SPATA7: variants seen among roughly 807,000 people sequenced by gnomAD.
SPATA7 encodes spermatogenesis associated 7.
In SPATA7, 43 loss-of-function variants were observed where a neutral mutation model predicts 51.8. The ratio of observed to expected loss-of-function variants is 0.83; its 90% confidence interval spans 0.65 to 1.07. The LOEUF (loss-of-function observed/expected upper bound fraction) is 1.07, where lower values mean the gene tolerates loss of function less well. Ranked by LOEUF, SPATA7 falls within the 50% of genes least tolerant of loss-of-function variation. The pLI is 0.00. For synonymous variants in SPATA7, 230 were observed against 252.8 expected (o/e 0.91, Z 0.86); for missense variants, 683 against 701.3 (o/e 0.97, Z 0.30).
intron 5 of SPATA7, 52 bp downstream of exon 5, chr14:88,416,896 T>G: frequency 6.8e-7 from 1 of 1,474,262 alleles, no homozygotes; most frequent in African/African-American, 1.4e-5. Flanking sequence ...GGTACTTCTT[T>G]AGTGGTACAA....
intron 8 of SPATA7, among the ~76,000 whole-genome samples, chr14:88,430,603 A>G (rs2076913617): frequency 6.6e-6 from 1 of 152,164 alleles, no homozygotes; most frequent in Non-Finnish European, 1.5e-5. Flanking sequence ...TTATCTATAC[A>G]TTAACCTTAG....
chr14:88,394,978 T>G (rs2075842459), intron 3 of SPATA7, among the ~76,000 whole-genome samples: 1 of 152,156 alleles, frequency 6.6e-6, no homozygotes, highest in African/African-American at 2.4e-5. Context: ...GTCTCTTTAG[T>G]ATTAAGTTGT....
At position 88,469,445 on chromosome 14, in the gene SPATA7, CT is replaced by C. The variant is rs1430414424; in HGVS notation, c.255-401del. The C allele has an allele frequency of 1.4e-6, 2 of 1,405,536 alleles. No individual in the cohort carries two copies. Among genetic ancestry groups the C allele is most frequent in the Non-Finnish European group, 2.0e-6 (2 of 993,566 alleles). The allele number at this position is 1,405,536 out of a possible 1,614,324, so 87.1% of individuals were successfully genotyped here. A position where few individuals can be genotyped will look rare whatever the true frequency, so the allele number is the denominator to read the frequency against. On this transcript the variant is annotated intron_variant, in intron 4 of 4. Coordinates refer to the SPATA7 transcript ENST00000556406. The surrounding 1 kb of genome is among the most constrained non-coding windows in gnomAD (Gnocchi z 4.3). The stretch of plus-strand genomic sequence containing the variant: ...ATTTCGGAAACATAAATGTTCCTCT[CT>C]GTTTAACACCTCCAGAGGCAGCTGT...
At chr14:88,426,205 G>A (rs1200300855) in intron 5 of SPATA7, 27 bp from the exon 6 acceptor site, 3 of 1,521,206 alleles carry the variant, frequency 2.0e-6, no homozygotes, top group Non-Finnish European at 2.7e-6. Flanking sequence ...TAATGCAGTT[G>A]ATGACTGTCA....
chr14:88,419,046 T>C (rs1353981056), intron 5 of SPATA7, among the ~76,000 whole-genome samples: 1 of 152,228 alleles, frequency 6.6e-6, no homozygotes, highest in Non-Finnish European at 1.5e-5. Flanking sequence ...GTATTTGATA[T>C]ATAGTATATT....
rs548825670 is a variant in SPATA7 at position 88,468,783 on chromosome 14, G to A, written c.255-1064G>A. On this transcript the variant is annotated intron_variant, in intron 4 of 4. Transcript: ENST00000556406. ...CCAAGAAGACACAGCCTTTTGCAGGGAACATTAGTAACATCTTGAGGCCAC... is the reference window on the plus strand; with the variant it reads ...CCAAGAAGACACAGCCTTTTGCAGGAAACATTAGTAACATCTTGAGGCCAC... 87 of 1,067,676 alleles carry A rather than the reference G, an allele frequency of 8.1e-5. No homozygotes were observed. In the Middle Eastern group the frequency reaches 9.2e-4, roughly 11 times the overall value. 66.1% of individuals were successfully genotyped at this position (1,067,676 alleles called of 1,614,324 possible).
At chr14:88,388,143 A>C (rs562763751) in intron 1 of SPATA7, among the ~76,000 whole-genome samples, 2 of 152,156 alleles carry the variant, frequency 1.3e-5, no homozygotes, top group African/African-American at 4.8e-5. Flanking sequence ...GGGAGGTTGC[A>C]GTGAGCCAAG....
chr14:88,454,245 C>T (rs1335435977), intron 3 of SPATA7, among the ~76,000 whole-genome samples: 2 of 152,122 alleles, frequency 1.3e-5, no homozygotes, highest in South Asian at 2.1e-4. Flanking sequence ...AGGCTGCCTG[C>T]GTTCCGTCAC....
intron 5 of SPATA7, among the ~76,000 whole-genome samples, chr14:88,423,496 C>G (rs1235768965): frequency 1.3e-5 from 2 of 150,918 alleles, no homozygotes; most frequent in Non-Finnish European, 2.9e-5. Context: ...GTCGTGGCTG[C>G]AGTGAGCCAT....
chr14:88,418,584 C>T (rs111286123), intron 5 of SPATA7, among the ~76,000 whole-genome samples: 5,369 of 152,178 alleles, frequency 0.035, 306 homozygotes, highest in African/African-American at 0.12. Flanking sequence ...AAGCAATTCT[C>T]GTGCCTCAGC....
At chr14:88,430,416 G>T (rs1354671297) in intron 8 of SPATA7, among the ~76,000 whole-genome samples, 2 of 152,176 alleles carry the variant, frequency 1.3e-5, no homozygotes, top group African/African-American at 4.8e-5. Context: ...TTAAGGAAAG[G>T]AATATTTATC....
chr14:88,386,072 G>T, intron 1 of SPATA7: 4 of 1,417,142 alleles, frequency 2.8e-6, no homozygotes, highest in Non-Finnish European at 3.7e-6. Flanking sequence ...TGACACCAGG[G>T]GCCCCTGTCT....
intron 3 of SPATA7, among the ~76,000 whole-genome samples, chr14:88,452,124 G>C (rs1054451609): frequency 6.6e-5 from 10 of 152,280 alleles, no homozygotes; most frequent in African/African-American, 2.2e-4. Flanking sequence ...CCTTTGATGT[G>C]GTGCTCTCCC....
At chr14:88,437,066 A>G (rs1595300813) in intron 10 of SPATA7, among the ~76,000 whole-genome samples, 1 of 132,802 alleles carries the variant, frequency 7.5e-6, no homozygotes, top group African/African-American at 2.8e-5. Flanking sequence ...AATTTGGAAT[A>G]TTTTTCCTTT....
chr14:88,469,672 A>G lies in SPATA7; in HGVS notation c.255-175A>G, dbSNP rs2077425990. 1 of 1,614,170 alleles carries G rather than the reference A, an allele frequency of 6.2e-7. No individual in the cohort carries two copies. Among genetic ancestry groups the G allele is most frequent in the East Asian group, 2.2e-5 (1 of 44,876 alleles). ...CGTGATCTTAAACCTTCCATAGGTG[A>G]CAGTGTTGTGCCTGGAACCAAGTCG... On this transcript the variant is annotated intron_variant, in intron 4 of 4. Coordinates refer to the SPATA7 transcript ENST00000556406. The surrounding 1 kb of genome is among the most constrained non-coding windows in gnomAD (Gnocchi z 4.3).
At chr14:88,392,654 A>G (rs1237771950) in intron 2 of SPATA7, among the ~76,000 whole-genome samples, 1 of 152,156 alleles carries the variant, frequency 6.6e-6, no homozygotes, top group Non-Finnish European at 1.5e-5. Context: ...GGGTAGAGAA[A>G]TCACTTCTTT....
intron 4 of SPATA7, chr14:88,468,033 G>A (rs1369220026): frequency 9.9e-6 from 14 of 1,407,836 alleles, no homozygotes; most frequent in South Asian, 1.2e-5. Context: ...CCAGTGCCAC[G>A]CTGCGTGGAT....
chr14:88,397,299 A>G (rs986258000), intron 4 of SPATA7, among the ~76,000 whole-genome samples: 3 of 152,176 alleles, frequency 2.0e-5, no homozygotes, highest in Admixed American at 6.5e-5. Context: ...CTATTTGTTT[A>G]ATAGTAGCCA....
At chr14:88,447,378 C>A (rs1268223411) in intron 3 of SPATA7, among the ~76,000 whole-genome samples, 1 of 150,422 alleles carries the variant, frequency 6.6e-6, no homozygotes, top group Non-Finnish European at 1.5e-5. Flanking sequence ...CTATGTGTGT[C>A]TCTGCACGTG....
Sources: gnomAD v4.1 joint callset for allele counts (sites outside exome capture counted in the v4.1 genomes callset) on GRCh38, gnomAD v4.1.1 for gene constraint, Gnocchi (gnomAD v3.1) non-coding constraint, MANE v1.5 for transcripts, NCBI Gene and HGNC (gene_info 2026-07-23, HGNC 2026-07-21) for gene names.